Variants in FRS2 observed in about 807,000 individuals in gnomAD.
The protein encoded by FRS2 is FGFR signalling adaptor.
In FRS2, 8 loss-of-function variants were observed where a neutral mutation model predicts 43.9. The observed-to-expected ratio is 0.18, with a 90% CI of 0.11 to 0.33. The LOEUF (loss-of-function observed/expected upper bound fraction) is 0.33, where lower values mean the gene tolerates loss of function less well. Ranked by LOEUF, FRS2 falls within the 10% of genes least tolerant of loss-of-function variation. FRS2 has a pLI of 1.00. For synonymous variants in FRS2, 219 were observed against 220.3 expected (o/e 0.99, Z 0.05); for missense variants, 534 against 627.6 (o/e 0.85, Z 1.59).
chr12:69,481,657 A>T (rs552118974), intron 1 of FRS2, among the ~76,000 whole-genome samples: 32 of 152,222 alleles, frequency 2.1e-4, no homozygotes, highest in Middle Eastern at 3.4e-3. Flanking sequence ...CACATATTTT[A>T]TTTTAGTCTC....
At chr12:69,520,958 A>C (rs1253824934) in intron 1 of FRS2, among the ~76,000 whole-genome samples, 1 of 152,038 alleles carries the variant, frequency 6.6e-6, no homozygotes, top group Non-Finnish European at 1.5e-5. Flanking sequence ...AGTTCTGTAA[A>C]GAATGTCATT....
intron 1 of FRS2, among the ~76,000 whole-genome samples, chr12:69,502,386 A>AT (rs1028636723): frequency 2.0e-5 from 3 of 151,856 alleles, no homozygotes; most frequent in African/African-American, 7.3e-5. Flanking sequence ...GTTTACTGTG[A>AT]TTTTTTTAAT....
intron 1 of FRS2, among the ~76,000 whole-genome samples, chr12:69,494,843 G>A (rs988688720): frequency 4.6e-5 from 7 of 152,008 alleles, no homozygotes; most frequent in Non-Finnish European, 5.9e-5. Context: ...GTGCACTCTC[G>A]GCTCGCTGCA....
intron 1 of FRS2, among the ~76,000 whole-genome samples, chr12:69,482,872 C>G (rs571565186): frequency 6.6e-6 from 1 of 152,114 alleles, no homozygotes; most frequent in Non-Finnish European, 1.5e-5. Flanking sequence ...AAATTACATT[C>G]AATCTAGACT....
chr12:69,505,467 GCTTTATTA>G (rs1281190979), intron 1 of FRS2, among the ~76,000 whole-genome samples: 35 of 152,128 alleles, frequency 2.3e-4, no homozygotes, highest in African/African-American at 7.5e-4. Context: ...GAAAATGTTT[GCTTTATTA>G]CATCAGCAAA....
At chr12:69,520,920 C>G (rs1419208442) in intron 1 of FRS2, among the ~76,000 whole-genome samples, 1 of 151,776 alleles carries the variant, frequency 6.6e-6, no homozygotes, top group African/African-American at 2.4e-5. Context: ...GGTGGTTGTT[C>G]CGTATAAATT....
At chr12:69,549,019 T>C (rs1878649989) in intron 3 of FRS2, among the ~76,000 whole-genome samples, 1 of 152,166 alleles carries the variant, frequency 6.6e-6, no homozygotes, top group South Asian at 2.1e-4. Flanking sequence ...CAGATAACTT[T>C]TAAGCCCTAC....
At chr12:69,531,628 G>T (rs1462978190) in intron 2 of FRS2, among the ~76,000 whole-genome samples, 1 of 150,404 alleles carries the variant, frequency 6.6e-6, no homozygotes, top group African/African-American at 2.5e-5. Flanking sequence ...AAAAAACACT[G>T]TTCAAAGAAA....
chr12:69,470,658 G>A (rs1434453073), intron 1 of FRS2, 128 bp downstream of exon 1: 3 of 385,012 alleles, frequency 7.8e-6, no homozygotes, highest in Non-Finnish European at 9.2e-6. Flanking sequence ...GAAGGGGATT[G>A]TCGACCGCCG....
Position 69,578,701 on chromosome 12 carries a change from G to T in FRS2, c.*3746G>T, listed in dbSNP as rs779866329. ...TGTTATGTTTTATTTTCATTACATT[G>T]TATAATATTGTAAGACTATTGTATG... is the stretch of plus-strand genomic sequence containing the variant. On this transcript the variant is annotated 3_prime_UTR_variant, in exon 9 of 9. Transcript: ENST00000549921. 50 of 152,618 alleles carry T rather than the reference G, an allele frequency of 3.3e-4. No homozygotes were observed. Among genetic ancestry groups the T allele is most frequent in the Admixed American group, 7.2e-4 (11 of 15,284 alleles). 9.5% of individuals were successfully genotyped at this position (152,618 alleles called of 1,614,324 possible).
intron 3 of FRS2, 182 bp from the exon 4 acceptor site, chr12:69,561,998 A>G: frequency 2.8e-6 from 1 of 354,422 alleles, no homozygotes; most frequent in Non-Finnish European, 5.0e-6. Flanking sequence ...AAGAATGATA[A>G]CATGTGCATA....
chr12:69,519,337 CTGA>C (rs1875389351), intron 1 of FRS2, among the ~76,000 whole-genome samples: 1 of 152,192 alleles, frequency 6.6e-6, no homozygotes, highest in African/African-American at 2.4e-5. Context: ...ATCACAGACT[CTGA>C]TGACGTTTAC....
At position 69,470,409 on chromosome 12, in the gene FRS2, G is replaced by A; in HGVS notation, c.-382G>A. 1 of 398,668 alleles carries A rather than the reference G, an allele frequency of 2.5e-6. No individual in the cohort carries two copies. Among genetic ancestry groups the A allele is most frequent in the Non-Finnish European group, 4.4e-6 (1 of 226,148 alleles). 24.7% of individuals were successfully genotyped at this position (398,668 alleles called of 1,614,324 possible). On this transcript the variant is annotated 5_prime_UTR_variant, in exon 1 of 9. Coordinates refer to ENST00000549921, the MANE Select transcript of FRS2 (RefSeq NM_001278356.2). ...TTTCCAAGATTCGGGCCGGAGAGAG[G>A]CCTTGTAGGCACAGCGGCTGAGACT... is the stretch of plus-strand genomic sequence containing the variant.
chr12:69,501,610 C>A (rs1281225522), intron 1 of FRS2, among the ~76,000 whole-genome samples: 1 of 152,156 alleles, frequency 6.6e-6, no homozygotes, highest in Non-Finnish European at 1.5e-5. Flanking sequence ...GCATAACAAA[C>A]AAATTAGATG....
chr12:69,557,619 T>TGTGCGCGCGCGC (rs1555192498), intron 3 of FRS2, among the ~76,000 whole-genome samples: 59 of 119,018 alleles, frequency 5.0e-4, no homozygotes, highest in African/African-American at 1.2e-3. Flanking sequence ...TGTGTGTGTG[T>TGTGCGCGCGCGC]GCGCGCGCGC....
intron 1 of FRS2, among the ~76,000 whole-genome samples, chr12:69,478,724 ATGTGTG>A (rs59945124): frequency 0.18 from 26,914 of 146,138 alleles, 2,434 homozygotes; most frequent in Middle Eastern, 0.21. Context: ...ATACATCATT[ATGTGTG>A]TGTGTGTGTG....
At chr12:69,562,989 G>A (rs564301241) in intron 4 of FRS2, among the ~76,000 whole-genome samples, 13 of 152,206 alleles carry the variant, frequency 8.5e-5, no homozygotes, top group East Asian at 1.9e-4. Context: ...CACCACACCC[G>A]GCCTACCTTT....
At chr12:69,518,997 A>C (rs1225743622) in intron 1 of FRS2, among the ~76,000 whole-genome samples, 1 of 64,394 alleles carries the variant, frequency 1.6e-5, no homozygotes, top group African/African-American at 4.7e-5. Flanking sequence ...ACTCCGTCTC[A>C]AAAAAAAAAA....
intron 1 of FRS2, among the ~76,000 whole-genome samples, chr12:69,523,922 G>T (rs1237210679): frequency 2.0e-5 from 3 of 152,222 alleles, no homozygotes; most frequent in Non-Finnish European, 4.4e-5. Context: ...CACTTCATAG[G>T]GTGATAGCAG....
Sources: gnomAD v4.1 joint callset for allele counts (sites outside exome capture counted in the v4.1 genomes callset) on GRCh38, gnomAD v4.1.1 for gene constraint, MANE v1.5 for transcripts, NCBI Gene and HGNC (gene_info 2026-07-23, HGNC 2026-07-21) for gene names.